PAMR1: variants seen among roughly 807,000 people sequenced by gnomAD.
PAMR1 encodes the protein inactive serine protease PAMR1.
PAMR1 carries 88 observed loss-of-function variants against 81.8 expected under a neutral mutation model. That is an observed-to-expected ratio of 1.08 (90% CI 0.91 to 1.28). The LOEUF (loss-of-function observed/expected upper bound fraction) is 1.28. PAMR1 is among the 50% of genes most tolerant of loss of function. The pLI, the probability that PAMR1 is intolerant of heterozygous loss-of-function variation, is 0.00. For missense variants in PAMR1, 935 were observed against 919.7 expected (o/e 1.02, Z -0.21); for synonymous variants, 336 against 345.3 (o/e 0.97, Z 0.30).
At chr11:35,479,155 G>A (rs1055837144) in intron 3 of PAMR1, among the ~76,000 whole-genome samples, 2 of 152,188 alleles carry the variant, frequency 1.3e-5, no homozygotes, top group African/African-American at 2.4e-5. Flanking sequence ...CTAAGAAGTG[G>A]TTGGGTTTTG....
At chr11:35,442,994 A>G (rs1856209028) in intron 6 of PAMR1, among the ~76,000 whole-genome samples, 1 of 152,132 alleles carries the variant, frequency 6.6e-6, no homozygotes, top group Admixed American at 6.5e-5. Context: ...ATATTGCATT[A>G]TGCTGAGCTT....
rs149870601 is a variant in PAMR1 at position 35,432,786 on chromosome 11, G to A, written c.1733C>T (p.Pro578Leu). 1 of 1,611,432 alleles carries A rather than the reference G, an allele frequency of 6.2e-7. No homozygotes were observed. The highest frequency in any genetic ancestry group is 2.2e-5 in the East Asian group (1 of 44,888). ...DKARISTRVQ[P>L]ICLAASRDLS... ...ATCCCGACTGGCAGCGAGGCAGATG[G>A]GCTGGACTCGGGTGCTGATACGGGC... is the stretch of plus-strand genomic sequence containing the variant. The change falls in exon 11 of 11, where the codon CCC becomes CTC. Residue 578 changes from proline to leucine, a missense_variant. Coordinates refer to ENST00000619888, the MANE Select transcript of PAMR1 (RefSeq NM_001001991.3).
rs1856542831 is a variant in PAMR1, at chr11:35,456,818, C to G, written c.820+11183G>C. Among the ~76,000 whole-genome samples, 3 of 152,210 alleles carry G rather than the reference C, an allele frequency of 2.0e-5. No individual in the cohort carries two copies. The South Asian group carries it at 6.2e-4, about 32-fold the overall frequency. On this transcript the variant is annotated intron_variant, in intron 6 of 10. Transcript: ENST00000619888. ...CACAAATAACACTGCAGTCTCCACT[C>G]ACTCCCATGAACCTACAATGGACTA...
At chr11:35,517,155 A>T (rs1266462432) in intron 1 of PAMR1, among the ~76,000 whole-genome samples, 2 of 152,206 alleles carry the variant, frequency 1.3e-5, no homozygotes, top group Non-Finnish European at 2.9e-5. Flanking sequence ...TTCACAGCTC[A>T]GTTTGCCAAA....
rs534808232 is a variant in PAMR1, at chr11:35,447,327, C to T, written c.821-5634G>A. Among the ~76,000 whole-genome samples, 55 of 151,966 alleles carry T rather than the reference C, an allele frequency of 3.6e-4. No individual in the cohort carries two copies. The East Asian group carries it at 7.8e-3, about 21-fold the overall frequency. On this transcript the variant is annotated intron_variant, in intron 6 of 10. Transcript: ENST00000619888. ...ATGCCATTCTCCTGTCTCAGCCTCC[C>T]GAGTAGCTGGGACTACAGCCACCTG... is the stretch of plus-strand genomic sequence containing the variant.
intron 1 of PAMR1, among the ~76,000 whole-genome samples, chr11:35,496,007 G>A (rs1268393395): frequency 6.6e-6 from 1 of 152,094 alleles, no homozygotes; most frequent in African/African-American, 2.4e-5. Flanking sequence ...TAGCATAATC[G>A]CCACTGAGAT....
chr11:35,451,815 C>A, intron 6 of PAMR1: 1 of 629,428 alleles, frequency 1.6e-6, no homozygotes, highest in South Asian at 1.9e-5. Context: ...AAAAAGAACC[C>A]AGAGAGCTCT....
intron 5 of PAMR1, among the ~76,000 whole-genome samples, chr11:35,469,159 T>G (rs763085833): frequency 6.6e-6 from 1 of 152,208 alleles, no homozygotes; most frequent in Non-Finnish European, 1.5e-5. Flanking sequence ...GTAGGGGCTA[T>G]GAAGGATGGA....
chr11:35,432,647 C>A lies in PAMR1; in HGVS notation c.1872G>T (p.Val624=), dbSNP rs1433854119. 1.2e-6 allele frequency: 2 copies of A among 1,614,036 alleles called. No homozygotes were observed. The highest frequency in any genetic ancestry group is 2.2e-5 in the South Asian group (2 of 91,040). The change falls in exon 11 of 11, where the codon GTG becomes GTT. Residue 624 remains valine (V), a synonymous_variant. Coordinates refer to ENST00000619888, the MANE Select transcript of PAMR1 (RefSeq NM_001001991.3). ...GCTCCTCACACAGCAGCGAGTCCAC[C>A]ACACTGACCACCCCAGAGCGCAGTG... The part of the protein sequence containing the change: ...NDTLRSGVVS[V]VDSLLCEEQH...
intron 6 of PAMR1, among the ~76,000 whole-genome samples, chr11:35,456,177 T>C (rs1210719486): frequency 6.6e-5 from 10 of 152,192 alleles, no homozygotes; most frequent in African/African-American, 2.4e-4. Flanking sequence ...ACTAAGTGGC[T>C]AGTACCTTTC....
At chr11:35,470,542 A>G (rs1181744116) in intron 5 of PAMR1, 59 bp downstream of exon 5, 1 of 1,269,572 alleles carries the variant, frequency 7.9e-7, no homozygotes, top group African/African-American at 1.5e-5. Context: ...GGGACATGGA[A>G]AGGAGATATT....
At chr11:35,450,457 G>T (rs1353018235) in intron 6 of PAMR1, among the ~76,000 whole-genome samples, 1 of 152,168 alleles carries the variant, frequency 6.6e-6, no homozygotes, top group Non-Finnish European at 1.5e-5. Context: ...AGGGTAATGG[G>T]TTTCTTAATG....
chr11:35,497,694 C>G (rs2135405061), intron 1 of PAMR1, among the ~76,000 whole-genome samples: 1 of 152,138 alleles, frequency 6.6e-6, no homozygotes, highest in Non-Finnish European at 1.5e-5. Context: ...GTCCATAAAC[C>G]CTAAGACCAT....
At chr11:35,442,405 G>A (rs1856189800) in intron 6 of PAMR1, among the ~76,000 whole-genome samples, 1 of 152,068 alleles carries the variant, frequency 6.6e-6, no homozygotes, top group Admixed American at 6.5e-5. Context: ...GCACTAAACA[G>A]GATTTTTAGA....
chr11:35,494,172 C>G lies in PAMR1; in HGVS notation c.174G>C (p.Lys58Asn), dbSNP rs781365382. Residue 58 changes from lysine to asparagine, a missense_variant, in exon 2 of 11, where the codon AAG becomes AAC. Physicochemically the swap from Lys to Asn is moderately conservative, Grantham distance 94 (BLOSUM62 0). Coordinates refer to ENST00000619888, the MANE Select transcript of PAMR1 (RefSeq NM_001001991.3). ...GGATGGTATAACCCACGACTTCCCT[C>G]TTTCCGGGGCAGACGCACTCAATCT... ...YDQIECVCPG[K>N]REVVGYTIPC... 34 of 1,614,026 alleles carry G rather than the reference C, an allele frequency of 2.1e-5. No homozygotes were observed. The highest frequency in any genetic ancestry group is 2.8e-5 in the Non-Finnish European group (33 of 1,179,954).
At chr11:35,461,476 T>G (rs532461535) in intron 6 of PAMR1, among the ~76,000 whole-genome samples, 1 of 152,092 alleles carries the variant, frequency 6.6e-6, no homozygotes, top group Non-Finnish European at 1.5e-5. Flanking sequence ...TTGCCCTGCA[T>G]GAGACATAGC....
chr11:35,500,817 T>G (rs1850820716), intron 1 of PAMR1, among the ~76,000 whole-genome samples: 1 of 152,208 alleles, frequency 6.6e-6, no homozygotes, highest in Non-Finnish European at 1.5e-5. Context: ...CTGAATACTA[T>G]AGGCAATTGT....
chr11:35,440,085 A>T (rs1856133017), intron 7 of PAMR1, among the ~76,000 whole-genome samples: 1 of 152,226 alleles, frequency 6.6e-6, no homozygotes, highest in South Asian at 2.1e-4. Context: ...TTCTCTTTTG[A>T]CACCAGACAG....
chr11:35,463,722 C>T (rs1265913295), intron 6 of PAMR1, among the ~76,000 whole-genome samples: 1 of 152,110 alleles, frequency 6.6e-6, no homozygotes, highest in East Asian at 1.9e-4. Flanking sequence ...ACCCAGGCAC[C>T]GGGGGAAGTT....
Sources: gnomAD v4.1 joint callset for allele counts (sites outside exome capture counted in the v4.1 genomes callset) on GRCh38, gnomAD v4.1.1 for gene constraint, MANE v1.5 for transcripts, NCBI Gene and HGNC (gene_info 2026-07-23, HGNC 2026-07-21) for gene names.